ATXN2: variants seen among roughly 807,000 people sequenced by gnomAD.
ATXN2 encodes ataxin 2.
A neutral mutation model predicts 138.6 loss-of-function variants in ATXN2; 37 were observed. That is an observed-to-expected ratio of 0.27 (90% CI 0.21 to 0.35). The LOEUF (loss-of-function observed/expected upper bound fraction) is 0.35. ATXN2 is among the 10% of genes least tolerant of loss of function. The pLI is 1.00. For missense variants in ATXN2, 1,216 were observed against 1,480.3 expected (o/e 0.82, Z 2.93); for synonymous variants, 549 against 543.7 (o/e 1.01, Z -0.13).
chr12:111,554,767 G>A (rs1882301265), intron 2 of ATXN2, among the ~76,000 whole-genome samples: 1 of 152,140 alleles, frequency 6.6e-6, no homozygotes, highest in Non-Finnish European at 1.5e-5. Flanking sequence ...CTTGATTGTG[G>A]TGGTAGTTAC....
In ATXN2 at chr12:111,516,082, T is replaced by C; in HGVS notation, c.1375+72A>G. 3.6e-6 allele frequency: 5 copies of C among 1,385,068 alleles called. No homozygotes were observed. The highest frequency in any genetic ancestry group is 2.7e-5 in the South Asian group (2 of 74,338). 85.8% of individuals were successfully genotyped at this position (1,385,068 alleles called of 1,614,324 possible). ...TTATTAAATAATGAAGAGGAAACTATTTTGTAATTATAAACTCACATAGGA... is the reference window on the plus strand; with the variant it reads ...TTATTAAATAATGAAGAGGAAACTACTTTGTAATTATAAACTCACATAGGA... On this transcript the variant is annotated intron_variant, in intron 10 of 24. Transcript: ENST00000673436. The surrounding 1 kb of genome is among the most constrained non-coding windows in gnomAD (Gnocchi z 5.0).
At chr12:111,563,220 T>C (rs1440117674) in intron 1 of ATXN2, among the ~76,000 whole-genome samples, 1 of 152,126 alleles carries the variant, frequency 6.6e-6, no homozygotes, top group East Asian at 1.9e-4. Flanking sequence ...AGATACATGA[T>C]AACCGAAGGT....
chr12:111,499,395 T>C (rs1400125199), intron 14 of ATXN2, among the ~76,000 whole-genome samples: 1 of 152,092 alleles, frequency 6.6e-6, no homozygotes, highest in African/African-American at 2.4e-5. Flanking sequence ...AAGATCTGAA[T>C]AGACATTTCT....
chr12:111,583,766 C>CAA (rs748838859), intron 1 of ATXN2, among the ~76,000 whole-genome samples: 4,299 of 57,636 alleles, frequency 0.075, 736 homozygotes, highest in Middle Eastern at 0.1. Context: ...GACTCCGACT[C>CAA]AAAAAAAAAA....
intron 1 of ATXN2, among the ~76,000 whole-genome samples, chr12:111,570,714 C>T (rs1883270812): frequency 6.6e-6 from 1 of 152,200 alleles, no homozygotes; most frequent in Non-Finnish European, 1.5e-5. Context: ...ACTGCCCACC[C>T]ATGGCAGTCC....
intron 14 of ATXN2, among the ~76,000 whole-genome samples, chr12:111,500,402 C>T (rs1278077789): frequency 7.9e-5 from 12 of 151,894 alleles, no homozygotes; most frequent in African/African-American, 2.2e-4. Flanking sequence ...TTTGCAGGCA[C>T]TAAAAATAAA....
intron 14 of ATXN2, among the ~76,000 whole-genome samples, chr12:111,497,752 C>A (rs1029213126): frequency 2.0e-5 from 3 of 152,076 alleles, no homozygotes. Flanking sequence ...CGTGGTGGCT[C>A]ACGCCTGTAA....
At chr12:111,514,748 A>G (rs1398975939) in intron 10 of ATXN2, among the ~76,000 whole-genome samples, 1 of 152,126 alleles carries the variant, frequency 6.6e-6, no homozygotes, top group African/African-American at 2.4e-5. Context: ...TCAGCCTCCC[A>G]AAGTGCTGAG....
At chr12:111,541,315 T>C (rs1881490566) in intron 5 of ATXN2, among the ~76,000 whole-genome samples, 2 of 147,670 alleles carry the variant, frequency 1.4e-5, no homozygotes, top group Non-Finnish European at 3.0e-5. Context: ...TTTTGGATGC[T>C]CCATACGTAG....
intron 5 of ATXN2, among the ~76,000 whole-genome samples, chr12:111,538,389 C>CTT (rs11421677): frequency 3.2e-4 from 47 of 147,082 alleles, no homozygotes; most frequent in African/African-American, 9.1e-4. Context: ...AATTAGTAAC[C>CTT]TTTTTTTTTT....
intron 1 of ATXN2, among the ~76,000 whole-genome samples, chr12:111,590,775 G>C (rs185883291): frequency 2.1e-4 from 32 of 152,100 alleles, no homozygotes; most frequent in African/African-American, 7.0e-4. Context: ...GTTAGATCAG[G>C]TGCAGCATTA....
At chr12:111,537,765 T>C (rs1188816296) in intron 5 of ATXN2, among the ~76,000 whole-genome samples, 1 of 151,958 alleles carries the variant, frequency 6.6e-6, no homozygotes, top group African/African-American at 2.4e-5. Flanking sequence ...AAAATGTAAA[T>C]TGATTGTAGT....
chr12:111,542,399 T>G lies in ATXN2; in HGVS notation c.571+9881A>C, dbSNP rs1019989601. Among the ~76,000 whole-genome samples, 4 of 151,836 alleles carry G rather than the reference T, an allele frequency of 2.6e-5. 1 individual carries two copies. Among genetic ancestry groups the G allele is most frequent in the East Asian group, 3.9e-4 (2 of 5,172 alleles). On this transcript the variant is annotated intron_variant, in intron 5 of 24. Transcript: ENST00000673436. ...GTGCCCGTCACCTCGCCCAGCTAAT[T>G]TTTGTATTTTTAGTAGAGCCATGTC...
chr12:111,530,630 C>T (rs12310623), intron 5 of ATXN2, among the ~76,000 whole-genome samples: 2,258 of 152,202 alleles, frequency 0.015, 57 homozygotes, highest in African/African-American at 0.05. Flanking sequence ...CTGGTTAACA[C>T]GGTGAAACCC....
chr12:111,480,515 A>G (rs1342301958), intron 18 of ATXN2, among the ~76,000 whole-genome samples: 30 of 152,148 alleles, frequency 2.0e-4, no homozygotes, highest in Admixed American at 2.0e-3. Flanking sequence ...TCTCTACTAA[A>G]AATACAAAAA....
In ATXN2 at chr12:111,452,679, T is replaced by C; in HGVS notation, c.*133A>G. ...TGCAAGTGAACTGTTAGCATTCCTA[T>C]TGGATGTTACAAGAAATCAACATAT... On this transcript the variant is annotated 3_prime_UTR_variant, in exon 25 of 25. Transcript: ENST00000673436. 6.7e-6 allele frequency: 7 copies of C among 1,051,814 alleles called. No homozygotes were observed. Among genetic ancestry groups the C allele is most frequent in the South Asian group, 2.7e-5 (2 of 74,510 alleles). The allele number at this position is 1,051,814 out of a possible 1,614,324, so 65.2% of individuals were successfully genotyped here.
At chr12:111,579,617 A>G (rs555685421) in intron 1 of ATXN2, among the ~76,000 whole-genome samples, 1 of 152,102 alleles carries the variant, frequency 6.6e-6, no homozygotes, top group Admixed American at 6.6e-5. Context: ...CCACTAGATG[A>G]ACAAACTGGT....
chr12:111,536,751 G>A (rs1258335111), intron 5 of ATXN2, among the ~76,000 whole-genome samples: 7 of 147,778 alleles, frequency 4.7e-5, no homozygotes, highest in Non-Finnish European at 1.0e-4. Flanking sequence ...ACCCCCATGA[G>A]AATTGAAAAC....
intron 20 of ATXN2, chr12:111,469,708 A>AG (rs1267831445): frequency 4.5e-6 from 1 of 221,298 alleles, no homozygotes; most frequent in Non-Finnish European, 8.8e-6. Flanking sequence ...AGTGACCCTC[A>AG]GATCAAGTAG....
Sources: gnomAD v4.1 joint callset for allele counts (sites outside exome capture counted in the v4.1 genomes callset) on GRCh38, gnomAD v4.1.1 for gene constraint, Gnocchi (gnomAD v3.1) non-coding constraint, MANE v1.5 for transcripts, NCBI Gene and HGNC (gene_info 2026-07-23, HGNC 2026-07-21) for gene names.